The following BCAS1 variants were observed in gnomAD, a reference collection of about 807,000 sequenced individuals.
BCAS1 encodes brain enriched myelin associated protein 1.
In BCAS1, 46 loss-of-function variants were observed where a neutral mutation model predicts 65.4. The observed-to-expected ratio is 0.70, with a 90% confidence interval of 0.55 to 0.90. BCAS1 has a LOEUF of 0.90. Among genes scored for constraint, BCAS1 ranks in the 40% least tolerant of loss-of-function variants. The pLI is 0.00. For synonymous variants in BCAS1, 298 were observed against 293.5 expected (o/e 1.02, Z -0.16); for missense variants, 793 against 771.2 (o/e 1.03, Z -0.33).
intron 3 of BCAS1, among the ~76,000 whole-genome samples, chr20:54,055,383 G>A (rs940515863): frequency 6.6e-6 from 1 of 152,126 alleles, no homozygotes; most frequent in Admixed American, 6.6e-5. Context: ...CATGGCGGGA[G>A]GTGAAAGGTA....
At chr20:53,987,719 C>T (rs1568847120) in intron 7 of BCAS1, among the ~76,000 whole-genome samples, 3 of 152,032 alleles carry the variant, frequency 2.0e-5, no homozygotes, top group Non-Finnish European at 4.4e-5. Flanking sequence ...TGAGGCTATT[C>T]CTCTCAATCC....
intron 11 of BCAS1, among the ~76,000 whole-genome samples, chr20:53,954,335 G>GA (rs1555840854): frequency 0.018 from 2,526 of 138,364 alleles, 78 homozygotes; most frequent in East Asian, 0.085. Flanking sequence ...GAGAGAGAGA[G>GA]GGACCAGGCA....
intron 3 of BCAS1, among the ~76,000 whole-genome samples, chr20:54,052,603 T>C (rs745480384): frequency 3.2e-4 from 48 of 152,190 alleles, no homozygotes; most frequent in Non-Finnish European, 5.9e-4. Context: ...TTATAGACTT[T>C]ATAAACGGAC....
chr20:53,944,913 C>T lies in BCAS1; in HGVS notation c.*9G>A, dbSNP rs1282178132. 6.2e-7 allele frequency: 1 copy of T among 1,613,562 alleles called. No homozygotes were observed. The highest frequency in any genetic ancestry group is 8.5e-7 in the Non-Finnish European group (1 of 1,179,580). ...GCAGGAGAACCTGGTGGGAACCGTG[C>T]TGATTTGTTTACTTGGATTTGCCAA... On this transcript the variant is annotated 3_prime_UTR_variant, in exon 13 of 13. Coordinates refer to ENST00000688948, the MANE Select transcript of BCAS1 (RefSeq NM_001366298.2).
chr20:54,046,461 A>G (rs290418), intron 3 of BCAS1, among the ~76,000 whole-genome samples: 87,833 of 148,880 alleles, frequency 0.59, 26,019 homozygotes, highest in South Asian at 0.63. Context: ...GCTGGAAGGC[A>G]GAGGTTGCAG....
At chr20:54,039,437 T>C (rs1036438453) in intron 3 of BCAS1, among the ~76,000 whole-genome samples, 3 of 151,408 alleles carry the variant, frequency 2.0e-5, no homozygotes, top group Non-Finnish European at 4.4e-5. Context: ...CAAAGGAATG[T>C]AGGCAAAGGT....
Position 53,995,973 on chromosome 20 carries a change from T to C in BCAS1, c.801A>G (p.Gly267=), listed in dbSNP as rs140462069. 1.4e-5 allele frequency: 22 copies of C among 1,613,564 alleles called. No homozygotes were observed. The African/African-American group carries it at 2.8e-4, about 21-fold the overall frequency. The change falls in exon 5 of 13, where the codon GGA becomes GGG. Residue 267 remains glycine (G), a synonymous_variant. Transcript: ENST00000688948. ...ADCSVPGDPE[G]LETAKDDSQA... is the part of the protein sequence containing the mutation. ...GGGAATCGTCCTTTGCAGTCTCCAG[T>C]CCTTCTGGGTCCCCAGGGACAGAGC...
rs1009619025 is a variant in BCAS1, at chr20:53,943,961, ATTTATT to A, written c.*955_*960del. On this transcript the variant is annotated 3_prime_UTR_variant, in exon 13 of 13. Coordinates refer to ENST00000688948, the MANE Select transcript of BCAS1 (RefSeq NM_001366298.2). ...AACCGTGCAACTTCCTTTATTTTTT[ATTTATT>A]TTTTTTTTTTAAGTTGTAATCTTTG... The A allele has an allele frequency of 2.9e-5, 4 of 138,078 alleles. No individual in the cohort carries two copies. The highest frequency in any genetic ancestry group is 6.3e-5 in the Non-Finnish European group (4 of 63,020). 8.6% of individuals were successfully genotyped at this position (138,078 alleles called of 1,614,324 possible).
chr20:54,025,050 T>C (rs774552477), intron 4 of BCAS1, among the ~76,000 whole-genome samples: 8 of 152,202 alleles, frequency 5.3e-5, no homozygotes, highest in Non-Finnish European at 1.2e-4. Context: ...TCAAATGCCT[T>C]GCACAAGGTT....
chr20:53,946,979 C>T (rs1480197619), intron 12 of BCAS1, among the ~76,000 whole-genome samples: 7 of 151,934 alleles, frequency 4.6e-5, no homozygotes, highest in Non-Finnish European at 1.0e-4. Context: ...ATATAGGGCA[C>T]ATATATAGTA....
At chr20:53,988,736 T>C (rs1337679773) in intron 7 of BCAS1, among the ~76,000 whole-genome samples, 1 of 152,208 alleles carries the variant, frequency 6.6e-6, no homozygotes, top group Non-Finnish European at 1.5e-5. Context: ...TACTATCAAA[T>C]GCTACAACTT....
In BCAS1 at chr20:53,953,432, C is replaced by A; in HGVS notation, c.1815G>T (p.Leu605=). 6.2e-7 allele frequency: 1 copy of A among 1,613,710 alleles called. No homozygotes were observed. The highest frequency in any genetic ancestry group is 8.5e-7 in the Non-Finnish European group (1 of 1,179,928). Residue 605 remains leucine, a splice_region_variant and synonymous_variant, in exon 12 of 13, where the codon CTG becomes CTT. Transcript: ENST00000688948. ...QQSLGGFFKG[L]GPKRMLDAQV... ...GAAGAGGCAAAAAAAATCCACCTACCAGGCCTTTAAAGAAGCCCCCAAGGG... is the reference window on the plus strand; with the variant it reads ...GAAGAGGCAAAAAAAATCCACCTACAAGGCCTTTAAAGAAGCCCCCAAGGG...
intron 3 of BCAS1, among the ~76,000 whole-genome samples, chr20:54,055,723 CACAATAG>C (rs1410180066): frequency 8.9e-4 from 136 of 152,236 alleles, no homozygotes; most frequent in African/African-American, 3.2e-3. Context: ...CAGCATTATT[CACAATAG>C]CCAAGATATG....
At chr20:54,032,706 C>T (rs2091826909) in intron 3 of BCAS1, among the ~76,000 whole-genome samples, 1 of 150,932 alleles carries the variant, frequency 6.6e-6, no homozygotes, top group Non-Finnish European at 1.5e-5. Context: ...TTTAAACCAA[C>T]AAAGGTTAAA....
At chr20:54,049,012 G>C (rs1188827214) in intron 3 of BCAS1, among the ~76,000 whole-genome samples, 1 of 152,204 alleles carries the variant, frequency 6.6e-6, no homozygotes, top group Non-Finnish European at 1.5e-5. Flanking sequence ...ACATGTATTT[G>C]CTCCCTTCCA....
intron 4 of BCAS1, among the ~76,000 whole-genome samples, chr20:54,018,401 CT>C (rs35997009): frequency 0.018 from 2,497 of 136,328 alleles, 31 homozygotes; most frequent in South Asian, 0.046. Context: ...TATCCACTTA[CT>C]TTTTTTTTTT....
chr20:54,008,533 A>G (rs961974902), intron 4 of BCAS1, among the ~76,000 whole-genome samples: 9 of 152,122 alleles, frequency 5.9e-5, no homozygotes, highest in African/African-American at 2.2e-4. Context: ...CCCCCCAACA[A>G]TGGAGGCTGG....
intron 12 of BCAS1, among the ~76,000 whole-genome samples, chr20:53,946,664 C>T (rs928380930): frequency 6.6e-6 from 1 of 150,580 alleles, no homozygotes; most frequent in Non-Finnish European, 1.5e-5. Context: ...ATATAGTATA[C>T]ATATATAGTA....
chr20:54,025,392 C>T (rs182928241), intron 4 of BCAS1, among the ~76,000 whole-genome samples: 1 of 152,292 alleles, frequency 6.6e-6, no homozygotes, highest in East Asian at 1.9e-4. Context: ...CTCAGTGAAA[C>T]CTTTCAGGCA....
Sources: allele counts gnomAD v4.1 joint callset (sites outside exome capture counted in the v4.1 genomes callset), GRCh38; gene constraint gnomAD v4.1.1; transcripts MANE v1.5; gene names NCBI Gene and HGNC (gene_info 2026-07-23, HGNC 2026-07-21).